The following SLC8A3 variants were observed in gnomAD, a reference collection of about 807,000 sequenced individuals.
SLC8A3 encodes the protein sodium/calcium exchanger 3.
A neutral mutation model predicts 65.4 loss-of-function variants in SLC8A3; 37 were observed. The observed-to-expected ratio is 0.57, with a 90% CI of 0.44 to 0.74. The LOEUF (loss-of-function observed/expected upper bound fraction) is 0.74. SLC8A3 is among the 30% of genes least tolerant of loss of function. SLC8A3 has a pLI of 0.00. For missense variants in SLC8A3, 1,112 were observed against 1,172.1 expected, an observed-to-expected ratio of 0.95 and a Z score of 0.75; for synonymous variants, 461 against 444.5, an observed-to-expected ratio of 1.04 and a Z score of -0.47.
chr14:70,138,487 C>A (rs1381908406), intron 2 of SLC8A3, among the ~76,000 whole-genome samples: 1 of 152,232 alleles, frequency 6.6e-6, no homozygotes, highest in Non-Finnish European at 1.5e-5. Context: ...CTGCTCTGAA[C>A]TCATGGCTCT....
At position 70,046,434 on chromosome 14, in the gene SLC8A3, A is replaced by G; in HGVS notation, c.2390-111T>C. 1.7e-6 allele frequency: 2 copies of G among 1,146,450 alleles called. No homozygotes were observed. 71.0% of individuals were successfully genotyped at this position (1,146,450 alleles called of 1,614,324 possible). A position where few individuals can be genotyped will look rare whatever the true frequency, so the allele number is the denominator to read the frequency against. ...AGCTGGTGGGCTGAACCCAGGAATG[A>G]GAGACAAGGGCTAGGGGGCCACTCC... On this transcript the variant is annotated intron_variant, in intron 6 of 6. Transcript: ENST00000356921. This position sits in a 1 kb window ranked among gnomAD's most constrained non-coding sequence, Gnocchi z 4.2.
chr14:70,100,999 G>A (rs918777410), intron 2 of SLC8A3, among the ~76,000 whole-genome samples: 1 of 152,174 alleles, frequency 6.6e-6, no homozygotes, highest in African/African-American at 2.4e-5. Context: ...ACGAATGTAA[G>A]GTATTATGTT....
intron 2 of SLC8A3, among the ~76,000 whole-genome samples, chr14:70,070,816 C>T (rs866854610): frequency 1.1e-4 from 17 of 152,318 alleles, no homozygotes; most frequent in South Asian, 4.1e-4. Flanking sequence ...CAGTGGTGAG[C>T]TAATAAACCA....
chr14:70,157,824 A>G (rs1896664955), intron 2 of SLC8A3, among the ~76,000 whole-genome samples: 2 of 152,188 alleles, frequency 1.3e-5, no homozygotes, highest in African/African-American at 4.8e-5. Context: ...CACCACCATG[A>G]GTGGTTTGTT....
chr14:70,062,110 C>CG (rs1174733217), intron 2 of SLC8A3, among the ~76,000 whole-genome samples: 3 of 692 alleles, frequency 4.3e-3, no homozygotes, highest in South Asian at 0.045. Flanking sequence ...TTCTTTTTGG[C>CG]GGGGGGCGGG....
rs117828251 is a variant in SLC8A3, at chr14:70,050,576, C to T, written c.2113+432G>A. On this transcript the variant is annotated intron_variant, in intron 5 of 6. Transcript: ENST00000356921. ...GTTTTGTTGGAGAGTCAATGCAACA[C>T]ATTTTATAAACTCCTAACTCCCACA... Among the ~76,000 whole-genome samples, 6 of 152,224 alleles carry T rather than the reference C, an allele frequency of 3.9e-5. No homozygotes were observed. In the East Asian group the frequency reaches 9.7e-4, roughly 24 times the overall value.
At chr14:70,118,995 G>A (rs773840929) in intron 2 of SLC8A3, among the ~76,000 whole-genome samples, 6 of 152,114 alleles carry the variant, frequency 3.9e-5, no homozygotes, top group Non-Finnish European at 7.4e-5. Flanking sequence ...TAATGCTGGG[G>A]AATTCATACA....
At chr14:70,082,894 C>A (rs983580596) in intron 2 of SLC8A3, among the ~76,000 whole-genome samples, 3 of 152,182 alleles carry the variant, frequency 2.0e-5, no homozygotes, top group African/African-American at 7.2e-5. Flanking sequence ...GCATTTCTTT[C>A]TTCCCCATCT....
chr14:70,138,353 G>A (rs1308816933), intron 2 of SLC8A3, among the ~76,000 whole-genome samples: 2 of 152,204 alleles, frequency 1.3e-5, no homozygotes, highest in African/African-American at 2.4e-5. Context: ...GCACATAGTA[G>A]GGACTCAAGA....
chr14:70,127,216 C>T (rs1004845953), intron 2 of SLC8A3, among the ~76,000 whole-genome samples: 1 of 152,124 alleles, frequency 6.6e-6, no homozygotes, highest in African/African-American at 2.4e-5. Context: ...ATTCCAGTCA[C>T]CTACCATTGA....
chr14:70,166,015 CTGGGCAAGCCTCACACCATTAAA>C (rs1897141463), intron 2 of SLC8A3, among the ~76,000 whole-genome samples: 1 of 152,186 alleles, frequency 6.6e-6, no homozygotes, highest in Admixed American at 6.5e-5. Context: ...TTCAACTAGG[CTGGGCAAGCCTCACACCATTAAA>C]TAGTCTATGG....
At chr14:70,083,484 A>G (rs1236306326) in intron 2 of SLC8A3, among the ~76,000 whole-genome samples, 1 of 152,236 alleles carries the variant, frequency 6.6e-6, no homozygotes, top group Non-Finnish European at 1.5e-5. Flanking sequence ...GAAGAGAAAG[A>G]GAGGCAAGTC....
At chr14:70,116,349 G>A (rs1566789979) in intron 2 of SLC8A3, among the ~76,000 whole-genome samples, 1 of 151,772 alleles carries the variant, frequency 6.6e-6, no homozygotes, top group Non-Finnish European at 1.5e-5. Context: ...GTGTGTGTGT[G>A]TGTGTGTATG....
chr14:70,182,054 T>C (rs1038577656), intron 1 of SLC8A3, among the ~76,000 whole-genome samples: 1 of 152,086 alleles, frequency 6.6e-6, no homozygotes, highest in Non-Finnish European at 1.5e-5. Flanking sequence ...GTAGTGGTGT[T>C]TGGGATGAAG....
At chr14:70,170,819 C>A (rs188719173) in intron 1 of SLC8A3, among the ~76,000 whole-genome samples, 1 of 152,114 alleles carries the variant, frequency 6.6e-6, no homozygotes, top group South Asian at 2.1e-4. Context: ...GTTCTGAAGC[C>A]CACATTCTCC....
At chr14:70,073,960 C>T (rs1303947625) in intron 2 of SLC8A3, among the ~76,000 whole-genome samples, 2 of 152,214 alleles carry the variant, frequency 1.3e-5, no homozygotes, top group East Asian at 3.9e-4. Flanking sequence ...GGAAAGATTG[C>T]TGTCCCTGGG....
chr14:70,188,529 TCCGC>T lies in SLC8A3; in HGVS notation c.-217_-214del, dbSNP rs1883544067. On this transcript the variant is annotated 5_prime_UTR_variant, in exon 1 of 7. Coordinates refer to ENST00000356921, the MANE Select transcript of SLC8A3 (RefSeq NM_182932.3). The stretch of plus-strand genomic sequence containing the variant: ...CGCAGCCGCGTCCGGGGCATGTCAG[TCCGC>T]CGCCGCCGCCCTCCCGCCGGGGTTC... 6.6e-6 allele frequency: 1 copy of T among 151,878 alleles called. No homozygotes were observed. The highest frequency in any genetic ancestry group is 1.5e-5 in the Non-Finnish European group (1 of 67,966). 9.4% of individuals were successfully genotyped at this position (151,878 alleles called of 1,614,324 possible).
intron 2 of SLC8A3, among the ~76,000 whole-genome samples, chr14:70,147,681 G>A (rs1896018611): frequency 6.6e-6 from 1 of 152,172 alleles, no homozygotes; most frequent in African/African-American, 2.4e-5. Context: ...CAAGCCATGA[G>A]TTCTATAGCT....
chr14:70,049,438 A>G (rs1887204900), intron 5 of SLC8A3, among the ~76,000 whole-genome samples: 2 of 152,222 alleles, frequency 1.3e-5, no homozygotes, highest in South Asian at 4.1e-4. Flanking sequence ...AACAATGAGA[A>G]CACATGGACA....
Sources: allele counts gnomAD v4.1 joint callset (sites outside exome capture counted in the v4.1 genomes callset), GRCh38; gene constraint gnomAD v4.1.1; non-coding constraint Gnocchi (gnomAD v3.1); transcripts MANE v1.5; gene names NCBI Gene and HGNC (gene_info 2026-07-23, HGNC 2026-07-21).